DIS3L2: variants seen among roughly 807,000 people sequenced by gnomAD.
The protein encoded by DIS3L2 is DIS3-like exonuclease 2.
Under a neutral mutation model 97.5 loss-of-function variants are expected in DIS3L2, and 34 were observed. That is an observed-to-expected ratio of 0.35 (90% CI 0.27 to 0.46). DIS3L2 has a LOEUF of 0.46. Among genes scored for constraint, DIS3L2 ranks in the 20% least tolerant of loss-of-function variants. The pLI is 1.00. For missense variants in DIS3L2, 1,038 were observed against 1,146.0 expected (o/e 0.91, Z 1.36); for synonymous variants, 435 against 445.2 (o/e 0.98, Z 0.29).
chr2:232,194,617 T>A lies in DIS3L2; in HGVS notation c.1125-15709T>A, dbSNP rs532145913. ...TTGTACGTTCTAAGAATTGACTTTG[T>A]CCTAATAGCCAAGTGGTAAAGGACT... On this transcript the variant is annotated intron_variant, in intron 9 of 20. Coordinates refer to ENST00000325385, the MANE Select transcript of DIS3L2 (RefSeq NM_152383.5). Among the ~76,000 whole-genome samples the A allele has an allele frequency of 9.8e-4, 149 of 152,306 alleles. 2 individuals carry two copies. The highest frequency in any genetic ancestry group is 1.6e-3 in the Non-Finnish European group (106 of 68,024).
At position 232,063,407 on chromosome 2, in the gene DIS3L2, G is replaced by A. The variant is rs1292313472; in HGVS notation, c.367-24080G>A. On this transcript the variant is annotated intron_variant, in intron 5 of 20. Transcript: ENST00000325385. Reference sequence around the variant, plus strand: ...TGTGCATGTGTGTATGTGCCTGTGCGTTTTAAGGTACATACGAATGACATT... The same window carrying A: ...TGTGCATGTGTGTATGTGCCTGTGCATTTTAAGGTACATACGAATGACATT... Among the ~76,000 whole-genome samples the A allele has an allele frequency of 3.3e-5, 5 of 152,160 alleles. No homozygotes were observed. The East Asian group carries it at 7.7e-4, about 23-fold the overall frequency.
In DIS3L2 at chr2:232,024,468, T is replaced by TTTTCC. The variant is rs960194156; in HGVS notation, c.264+139_264+140insTTCCT. Reference sequence around the variant, plus strand: ...CGATGGGCAAAGATTTGTTTCAAATTTAAATAAACTAAATTTTCTTTTGGT... The same window carrying TTTTCC: ...CGATGGGCAAAGATTTGTTTCAAATTTTTCCTAAATAAACTAAATTTTCTTTTGGT... On this transcript the variant is annotated intron_variant, in intron 4 of 20. Transcript: ENST00000325385. 1.0e-4 allele frequency: 74 copies of TTTTCC among 705,840 alleles called. 1 individual carries two copies. The African/African-American group carries it at 1.4e-3, about 13-fold the overall frequency. 43.7% of individuals were successfully genotyped at this position (705,840 alleles called of 1,614,324 possible). A position where few individuals can be genotyped will look rare whatever the true frequency, so the allele number is the denominator to read the frequency against.
intron 16 of DIS3L2, among the ~76,000 whole-genome samples, chr2:232,333,548 A>G (rs1183372680): frequency 6.6e-6 from 1 of 152,118 alleles, no homozygotes; most frequent in Non-Finnish European, 1.5e-5. Flanking sequence ...TGTCCAGGCC[A>G]TTCTCAGTGC....
Position 232,330,793 on chromosome 2 carries a change from C to T in DIS3L2, c.2010+17C>T. 1.2e-6 allele frequency: 2 copies of T among 1,605,716 alleles called. No homozygotes were observed. Among genetic ancestry groups the T allele is most frequent in the Non-Finnish European group, 8.5e-7 (1 of 1,179,192 alleles). On this transcript the variant is annotated intron_variant, in intron 16 of 20. Transcript: ENST00000325385. ...CCCATGCAGGTAAGGAGGGCCCAGCCCCGGCCTCCCCTGCTCCCAGGAGCA... is the reference window on the plus strand; with the variant it reads ...CCCATGCAGGTAAGGAGGGCCCAGCTCCGGCCTCCCCTGCTCCCAGGAGCA...
intron 13 of DIS3L2, among the ~76,000 whole-genome samples, chr2:232,282,219 G>A (rs1694311265): frequency 6.6e-6 from 1 of 151,904 alleles, no homozygotes; most frequent in Non-Finnish European, 1.5e-5. Flanking sequence ...ATAGATGAGG[G>A]CGTATTCTGT....
chr2:232,022,473 C>T (rs1694545829), intron 3 of DIS3L2, among the ~76,000 whole-genome samples: 1 of 152,084 alleles, frequency 6.6e-6, no homozygotes, highest in Non-Finnish European at 1.5e-5. Flanking sequence ...TGTCTGAGTG[C>T]CCTGCAATTA....
intron 13 of DIS3L2, among the ~76,000 whole-genome samples, chr2:232,278,563 G>A (rs73102578): frequency 0.1 from 15,323 of 152,128 alleles, 1,657 homozygotes; most frequent in African/African-American, 0.27. Flanking sequence ...GAATCATTCC[G>A]TTGGTAGCAT....
At chr2:232,093,632 A>G (rs1460230263) in intron 6 of DIS3L2, among the ~76,000 whole-genome samples, 1 of 152,176 alleles carries the variant, frequency 6.6e-6, no homozygotes, top group African/African-American at 2.4e-5. Flanking sequence ...GTATGTGTCT[A>G]GGAATTTATC....
intron 12 of DIS3L2, among the ~76,000 whole-genome samples, chr2:232,262,540 T>C (rs1693738263): frequency 6.6e-6 from 1 of 152,206 alleles, no homozygotes; most frequent in Admixed American, 6.5e-5. Context: ...ATCAACTTGG[T>C]AGGGAGAGGT....
chr2:232,129,638 A>G (rs1023112308), intron 6 of DIS3L2, among the ~76,000 whole-genome samples: 1 of 152,242 alleles, frequency 6.6e-6, no homozygotes, highest in African/African-American at 2.4e-5. Flanking sequence ...AGATCATGTC[A>G]GTGTTTCCAG....
chr2:232,290,074 T>C (rs1694555785), intron 13 of DIS3L2, among the ~76,000 whole-genome samples: 1 of 152,242 alleles, frequency 6.6e-6, no homozygotes, highest in Admixed American at 6.5e-5. Context: ...TCGACAGTAG[T>C]TGGCCTGAGG....
At chr2:232,194,856 C>G (rs1350558431) in intron 9 of DIS3L2, among the ~76,000 whole-genome samples, 1 of 152,128 alleles carries the variant, frequency 6.6e-6, no homozygotes, top group African/African-American at 2.4e-5. Context: ...TCACTTGGGA[C>G]TCCTCTCCTG....
intron 3 of DIS3L2, among the ~76,000 whole-genome samples, chr2:232,018,067 T>C (rs116566441): frequency 0.018 from 2,804 of 152,266 alleles, 40 homozygotes; most frequent in Middle Eastern, 0.071. Context: ...CCAGATACTG[T>C]CTTTTGAAGA....
At chr2:232,236,216 A>G (rs1319164746) in intron 10 of DIS3L2, among the ~76,000 whole-genome samples, 1 of 152,076 alleles carries the variant, frequency 6.6e-6, no homozygotes, top group Admixed American at 6.6e-5. Flanking sequence ...CATTTTAAAA[A>G]CTGAGGGAAG....
intron 13 of DIS3L2, among the ~76,000 whole-genome samples, chr2:232,265,971 G>A (rs1289562245): frequency 6.6e-6 from 1 of 152,144 alleles, no homozygotes; most frequent in Non-Finnish European, 1.5e-5. Flanking sequence ...ATTTAGTGAT[G>A]GGTTTGTCTT....
chr2:232,223,150 A>G (rs940583170), intron 10 of DIS3L2, among the ~76,000 whole-genome samples: 3 of 152,226 alleles, frequency 2.0e-5, no homozygotes, highest in Non-Finnish European at 4.4e-5. Context: ...ATGAAAGCCA[A>G]GATAATCTGG....
At chr2:232,011,823 G>A (rs1694208284) in intron 1 of DIS3L2, among the ~76,000 whole-genome samples, 1 of 151,410 alleles carries the variant, frequency 6.6e-6, no homozygotes, top group African/African-American at 2.4e-5. Context: ...CTAATTTTTT[G>A]TATTTCTAGT....
rs567216518 is a variant in DIS3L2 at position 232,238,713 on chromosome 2, T to C, written c.1317+68T>C. 3.7e-6 allele frequency: 5 copies of C among 1,354,776 alleles called. No homozygotes were observed. The South Asian group carries it at 5.2e-5, about 14-fold the overall frequency. 83.9% of individuals were successfully genotyped at this position (1,354,776 alleles called of 1,614,324 possible). On this transcript the variant is annotated intron_variant, in intron 11 of 20. Transcript: ENST00000325385. ...TTGTTTGTTTCCCTGGAAGAGTGTGTGCTCTCTGTTATTACATGTTCTCCG... is the reference window on the plus strand; with the variant it reads ...TTGTTTGTTTCCCTGGAAGAGTGTGCGCTCTCTGTTATTACATGTTCTCCG...
chr2:232,249,208 A>C, intron 11 of DIS3L2, 31 bp from the exon 12 acceptor site: 2 of 1,609,434 alleles, frequency 1.2e-6, no homozygotes, highest in African/African-American at 2.7e-5. Flanking sequence ...GGTTGGAGAA[A>C]GGTGCTCATG....
Sources: allele counts gnomAD v4.1 joint callset (sites outside exome capture counted in the v4.1 genomes callset), GRCh38; gene constraint gnomAD v4.1.1; transcripts MANE v1.5; gene names NCBI Gene and HGNC (gene_info 2026-07-23, HGNC 2026-07-21).